The following MVB12B variants were observed in gnomAD, a reference collection of about 807,000 sequenced individuals.
The protein encoded by MVB12B is multivesicular body subunit 12B.
In MVB12B, 16 loss-of-function variants were observed where a neutral mutation model predicts 41.6. The ratio of observed to expected loss-of-function variants is 0.38; its 90% CI spans 0.26 to 0.58. MVB12B has a LOEUF of 0.58. Among genes scored for constraint, MVB12B ranks in the 20% least tolerant of loss-of-function variants. The probability of loss-of-function intolerance (pLI) is 0.62; values close to 1 mark genes in which losing one functional copy is unlikely to be tolerated. For synonymous variants in MVB12B, 133 were observed against 139.7 expected (o/e 0.95, Z 0.34); for missense variants, 274 against 380.2 (o/e 0.72, Z 2.32).
At chr9:126,405,744 A>C (rs1831401669) in intron 6 of MVB12B, among the ~76,000 whole-genome samples, 1 of 151,246 alleles carries the variant, frequency 6.6e-6, no homozygotes, top group Non-Finnish European at 1.5e-5. Flanking sequence ...ATTTGGGTTC[A>C]GTTTTTGCCA....
In MVB12B at chr9:126,395,797, G is replaced by A. The variant is rs1831096520; in HGVS notation, c.662+100G>A. The A allele has an allele frequency of 1.3e-5, 20 of 1,532,452 alleles. No individual in the cohort carries two copies. Among genetic ancestry groups the A allele is most frequent in the Non-Finnish European group, 1.7e-5 (19 of 1,142,690 alleles). The allele number at this position is 1,532,452 out of a possible 1,614,324, so 94.9% of individuals were successfully genotyped here. ...TTAGTGTCTGCTGAAATACTGCAAA[G>A]TACAGCTGAATAATTGTAGAAGCAA... On this transcript the variant is annotated intron_variant, in intron 6 of 9. Coordinates refer to ENST00000361171, the MANE Select transcript of MVB12B (RefSeq NM_033446.3). This position sits in a 1 kb window ranked among gnomAD's most constrained non-coding sequence, Gnocchi z 4.9.
In MVB12B at chr9:126,333,063, G is replaced by A. The variant is rs1564276426; in HGVS notation, c.81+6053G>A. 6.6e-6 allele frequency among the ~76,000 whole-genome samples: 1 copy of A among 152,118 alleles called. No individual in the cohort carries two copies. The highest frequency in any genetic ancestry group is 2.4e-5 in the African/African-American group (1 of 41,422). On this transcript the variant is annotated intron_variant, in intron 1 of 9. Coordinates refer to ENST00000361171, the MANE Select transcript of MVB12B (RefSeq NM_033446.3). This position sits in a 1 kb window ranked among gnomAD's most constrained non-coding sequence, Gnocchi z 4.7. ...TGGGAAATTGGAGAAAGTTTGAGGGGAATGGAAGATGTGACCCTGGTGTTT... is the reference window on the plus strand; with the variant it reads ...TGGGAAATTGGAGAAAGTTTGAGGGAAATGGAAGATGTGACCCTGGTGTTT...
Position 126,395,995 on chromosome 9 carries a change from G to C in MVB12B, c.662+298G>C. On this transcript the variant is annotated intron_variant, in intron 6 of 9. Transcript: ENST00000361171. This position sits in a 1 kb window ranked among gnomAD's most constrained non-coding sequence, Gnocchi z 4.9. ...AGAGCTGCTAGCTACACACAGACACGTGCTGTATAGCCATGGGGTTGGGAT... is the reference window on the plus strand; with the variant it reads ...AGAGCTGCTAGCTACACACAGACACCTGCTGTATAGCCATGGGGTTGGGAT... 1.7e-6 allele frequency: 2 copies of C among 1,187,784 alleles called. No individual in the cohort carries two copies. Among genetic ancestry groups the C allele is most frequent in the Non-Finnish European group, 2.1e-6 (2 of 954,576 alleles). 73.6% of individuals were successfully genotyped at this position (1,187,784 alleles called of 1,614,324 possible). A position where few individuals can be genotyped will look rare whatever the true frequency, so the allele number is the denominator to read the frequency against.
intron 7 of MVB12B, among the ~76,000 whole-genome samples, chr9:126,460,430 C>T (rs1833065500): frequency 6.6e-6 from 1 of 152,238 alleles, no homozygotes; most frequent in South Asian, 2.1e-4. Flanking sequence ...CTTCAGCTCA[C>T]ATCCAGCTGT....
rs1197838682 is a variant in MVB12B at position 126,333,351 on chromosome 9, C to T, written c.81+6341C>T. Among the ~76,000 whole-genome samples, 2 of 152,022 alleles carry T rather than the reference C, an allele frequency of 1.3e-5. No individual in the cohort carries two copies. Among genetic ancestry groups the T allele is most frequent in the African/African-American group, 2.4e-5 (1 of 41,360 alleles). On this transcript the variant is annotated intron_variant, in intron 1 of 9. Transcript: ENST00000361171. This position sits in a 1 kb window ranked among gnomAD's most constrained non-coding sequence, Gnocchi z 4.7. The stretch of plus-strand genomic sequence containing the variant: ...CTGTCCGCCTCGGACTCCCAAGGTG[C>T]TGGGATTACAGGCGTGAGCCACTGC...
chr9:126,489,830 G>A (rs531131507), intron 9 of MVB12B, among the ~76,000 whole-genome samples: 2 of 152,268 alleles, frequency 1.3e-5, no homozygotes, highest in East Asian at 1.9e-4. Flanking sequence ...TTACCTCATC[G>A]TCCCTCAGCC....
At chr9:126,458,569 C>T (rs764971079) in intron 7 of MVB12B, among the ~76,000 whole-genome samples, 2 of 152,122 alleles carry the variant, frequency 1.3e-5, no homozygotes, top group Non-Finnish European at 1.5e-5. Flanking sequence ...TAAGAACAGG[C>T]GCCAGGTCTC....
chr9:126,343,440 T>C (rs1361868163), intron 2 of MVB12B, among the ~76,000 whole-genome samples: 2 of 152,232 alleles, frequency 1.3e-5, no homozygotes, highest in African/African-American at 4.8e-5. Context: ...AGAATTGTAA[T>C]GCTATAAGAA....
chr9:126,425,914 G>A lies in MVB12B; in HGVS notation c.757+3966G>A, dbSNP rs1392103785. On this transcript the variant is annotated intron_variant, in intron 7 of 9. Transcript: ENST00000361171. Reference sequence around the variant, plus strand: ...TTAGGGTCAGCAAACTAAAGCCCATGGCCCAATCCCATCCAGGGCCTGTTT... The same window carrying A: ...TTAGGGTCAGCAAACTAAAGCCCATAGCCCAATCCCATCCAGGGCCTGTTT... 2.6e-5 allele frequency among the ~76,000 whole-genome samples: 4 copies of A among 152,190 alleles called. No individual in the cohort carries two copies. In the East Asian group the frequency reaches 7.7e-4, roughly 29 times the overall value.
At chr9:126,440,140 C>G (rs979930721) in intron 7 of MVB12B, among the ~76,000 whole-genome samples, 1 of 152,156 alleles carries the variant, frequency 6.6e-6, no homozygotes, top group African/African-American at 2.4e-5. Flanking sequence ...CAGCGCGAGC[C>G]CCTTGCTGTA....
chr9:126,400,011 C>T (rs1043009981), intron 6 of MVB12B, among the ~76,000 whole-genome samples: 14 of 152,120 alleles, frequency 9.2e-5, no homozygotes, highest in African/African-American at 1.4e-4. Context: ...TGTGAAATGG[C>T]GGGGGTCGGA....
At chr9:126,394,239 G>A (rs1003174662) in intron 5 of MVB12B, among the ~76,000 whole-genome samples, 96 of 152,194 alleles carry the variant, frequency 6.3e-4, no homozygotes, top group African/African-American at 2.2e-3. Flanking sequence ...CATACAAATG[G>A]CAGAAACCAG....
At chr9:126,419,283 C>T (rs1831926230) in intron 6 of MVB12B, among the ~76,000 whole-genome samples, 1 of 152,148 alleles carries the variant, frequency 6.6e-6, no homozygotes, top group Non-Finnish European at 1.5e-5. Context: ...CTGGAAATTC[C>T]CTCATTGGTA....
chr9:126,381,493 C>T (rs967958220), intron 3 of MVB12B, among the ~76,000 whole-genome samples: 15 of 152,150 alleles, frequency 9.9e-5, no homozygotes, highest in Admixed American at 6.5e-4. Context: ...GAGAGTTCTC[C>T]AGTGGAGCGG....
chr9:126,462,859 G>A (rs988758240), intron 7 of MVB12B, among the ~76,000 whole-genome samples: 2 of 152,182 alleles, frequency 1.3e-5, no homozygotes, highest in Admixed American at 6.5e-5. Flanking sequence ...CTTACAGAGT[G>A]AACTCACAAC....
Position 126,505,277 on chromosome 9 carries a change from C to G in MVB12B, c.*2014C>G, listed in dbSNP as rs767318909. ...GGCAGTGGTGTGGGAGCCCTGTCTG[C>G]AAGGACGCAGAATAAGCAGTGAGGG... On this transcript the variant is annotated 3_prime_UTR_variant, in exon 10 of 10. Transcript: ENST00000361171. The G allele has an allele frequency of 6.6e-6, 1 of 152,196 alleles. No homozygotes were observed. Among genetic ancestry groups the G allele is most frequent in the Non-Finnish European group, 1.5e-5 (1 of 68,036 alleles). The allele number at this position is 152,196 out of a possible 1,614,324, so 9.4% of individuals were successfully genotyped here.
intron 6 of MVB12B, among the ~76,000 whole-genome samples, chr9:126,398,698 C>T (rs1375509474): frequency 6.6e-6 from 1 of 152,178 alleles, no homozygotes; most frequent in African/African-American, 2.4e-5. Context: ...GCGGGGAATG[C>T]GGTTCTGAGC....
At chr9:126,396,506 A>G in intron 6 of MVB12B, 1 of 985,492 alleles carries the variant, frequency 1.0e-6, no homozygotes. Flanking sequence ...ATAGAGATGA[A>G]CAAAATCTGT....
rs552302200 is a variant in MVB12B, at chr9:126,499,864, C to G, written c.874-3313C>G. The stretch of plus-strand genomic sequence containing the variant: ...AAGGGGCGCCTTCTCCGCCCTCCCC[C>G]AGCCCGCGGGCCGGGAGAGAGGAGC... On this transcript the variant is annotated intron_variant, in intron 9 of 9. Coordinates refer to ENST00000361171, the MANE Select transcript of MVB12B (RefSeq NM_033446.3). Among the ~76,000 whole-genome samples the G allele has an allele frequency of 3.9e-4, 59 of 152,292 alleles. 1 individual carries two copies. The highest frequency in any genetic ancestry group is 1.3e-3 in the African/African-American group (52 of 41,578).
Sources: gnomAD v4.1 joint callset for allele counts (sites outside exome capture counted in the v4.1 genomes callset) on GRCh38, gnomAD v4.1.1 for gene constraint, Gnocchi (gnomAD v3.1) non-coding constraint, MANE v1.5 for transcripts, NCBI Gene and HGNC (gene_info 2026-07-23, HGNC 2026-07-21) for gene names.